RALGDS: variants seen among roughly 807,000 people sequenced by gnomAD.
RALGDS encodes the protein ral guanine nucleotide exchange factor.
A neutral mutation model predicts 99.8 loss-of-function variants in RALGDS; 44 were observed. That is an observed-to-expected ratio of 0.44 (90% confidence interval 0.35 to 0.57). The LOEUF (loss-of-function observed/expected upper bound fraction) is 0.57. Among genes scored for constraint, RALGDS ranks in the 20% least tolerant of loss-of-function variants. The pLI is 0.01. For synonymous variants in RALGDS, 529 were observed against 505.0 expected (o/e 1.05, Z -0.64); for missense variants, 1,022 against 1,203.1 (o/e 0.85, Z 2.23).
upstream of RALGDS, among the ~76,000 whole-genome samples, chr9:133,121,774 G>A (rs940984478): frequency 1.3e-5 from 2 of 152,220 alleles, no homozygotes; most frequent in East Asian, 1.9e-4. Flanking sequence ...ATTACGTAAT[G>A]GACATGAAGC....
Position 133,144,828 on chromosome 9 carries a change from T to C in RALGDS, c.18+4135A>G, listed in dbSNP as rs1832597585. Among the ~76,000 whole-genome samples the C allele has an allele frequency of 6.6e-6, 1 of 152,212 alleles. No homozygotes were observed. The highest frequency in any genetic ancestry group is 2.1e-4 in the South Asian group (1 of 4,834). ...TGAACAAAAAGATCTCTGGTACCCGTGAATGAGATCTTATTTGGAAATAGG... is the reference window on the plus strand; with the variant it reads ...TGAACAAAAAGATCTCTGGTACCCGCGAATGAGATCTTATTTGGAAATAGG... On this transcript the variant is annotated intron_variant, in intron 1 of 17. Transcript: ENST00000393160. The surrounding 1 kb of genome is among the most constrained non-coding windows in gnomAD (Gnocchi z 4.5).
chr9:133,098,266 G>A lies in RALGDS; in HGVS notation c.*321C>T. Reference sequence around the variant, plus strand: ...GTGGCAGTGACCCACACCTGGGAAGGTGTCAGGGAAGTGTACAGAGGTGGC... The same window carrying A: ...GTGGCAGTGACCCACACCTGGGAAGATGTCAGGGAAGTGTACAGAGGTGGC... On this transcript the variant is annotated 3_prime_UTR_variant, in exon 18 of 18. Transcript: ENST00000372050. The A allele has an allele frequency of 2.2e-6, 1 of 448,846 alleles. No individual in the cohort carries two copies. Among genetic ancestry groups the A allele is most frequent in the Non-Finnish European group, 4.2e-6 (1 of 240,936 alleles). 27.8% of individuals were successfully genotyped at this position (448,846 alleles called of 1,614,324 possible). A position where few individuals can be genotyped will look rare whatever the true frequency, so the allele number is the denominator to read the frequency against.
At chr9:133,126,231 C>T (rs975113722), upstream of RALGDS, among the ~76,000 whole-genome samples, 4 of 151,908 alleles carry the variant, frequency 2.6e-5, no homozygotes, top group African/African-American at 4.8e-5. Context: ...AACCTCCCCC[C>T]GGGACGTGCA....
chr9:133,108,238 T>C lies in RALGDS; in HGVS notation c.947A>G (p.Gln316Arg), dbSNP rs753240581. The C allele has an allele frequency of 3.7e-5, 59 of 1,608,832 alleles. No individual in the cohort carries two copies. Among genetic ancestry groups the C allele is most frequent in the Middle Eastern group, 1.7e-4 (1 of 6,040 alleles). ...EVAPAPAPEL[Q>R]QAPEPAVGLE... is the part of the protein sequence containing the mutation. ...TCCCACAGCTGGCTCTGGAGCCTGC[T>C]GGAGCTCCGGAGCTGGTGCTGGAGC... Residue 316 changes from glutamine (Q) to arginine (R), a missense_variant, in exon 6 of 18, where the codon CAG becomes CGG. Gln to Arg is a conservative substitution (Grantham distance 43). This residue lies in a region of RALGDS where 825 missense variants were observed against 994.5 expected (regional missense o/e 0.83). Transcript: ENST00000372050.
Position 133,102,460 on chromosome 9 carries a change from T to C in RALGDS, c.2009+16A>G, listed in dbSNP as rs1284840890. The C allele has an allele frequency of 6.2e-7, 1 of 1,612,332 alleles. No individual in the cohort carries two copies. Among genetic ancestry groups the C allele is most frequent in the Non-Finnish European group, 8.5e-7 (1 of 1,178,564 alleles). ...CCCAAGGCAGCTGCCCCTACCACCC[T>C]TGGCCAGGCCCTTACTCGCTCCAGC... On this transcript the variant is annotated intron_variant, in intron 14 of 17. Coordinates refer to ENST00000372050, the MANE Select transcript of RALGDS (RefSeq NM_006266.4).
chr9:133,147,105 C>G (rs1331799949), intron 1 of RALGDS, among the ~76,000 whole-genome samples: 4 of 152,148 alleles, frequency 2.6e-5, no homozygotes, highest in Admixed American at 2.0e-4. Context: ...GGCTGCCCCT[C>G]CCACCCCCAG....
chr9:133,103,153 G>T, intron 12 of RALGDS, 77 bp downstream of exon 12: 1 of 1,559,050 alleles, frequency 6.4e-7, no homozygotes, highest in South Asian at 1.1e-5. Flanking sequence ...TAAGGAGAGG[G>T]TAGGAGTTGA....
At chr9:133,111,026 C>A (rs78246788) in intron 2 of RALGDS, among the ~76,000 whole-genome samples, 3,982 of 152,288 alleles carry the variant, frequency 0.026, 191 homozygotes, top group African/African-American at 0.09. Flanking sequence ...TATGATCATA[C>A]CTCTGCATGG....
exon 1 of RALGDS, chr9:133,131,104 C>T: frequency 6.9e-7 from 1 of 1,456,566 alleles, no homozygotes; most frequent in Non-Finnish European, 9.0e-7. Flanking sequence ...GGCCCGGCTT[C>T]CCGCCCAGAC....
chr9:133,131,341 G>A (rs477000), upstream of RALGDS, among the ~76,000 whole-genome samples: 43,015 of 150,142 alleles, frequency 0.29, 6,717 homozygotes, highest in East Asian at 0.55. Flanking sequence ...GTTTCAGGGG[G>A]GCCCTGAAAC....
At chr9:133,122,375 C>G (rs564561957), upstream of RALGDS, among the ~76,000 whole-genome samples, 2 of 152,346 alleles carry the variant, frequency 1.3e-5, no homozygotes, top group East Asian at 3.9e-4. Flanking sequence ...CAGCCCTGGC[C>G]ATGCCAACCT....
chr9:133,100,275 A>G lies in RALGDS; in HGVS notation c.2562T>C (p.Asp854=). Residue 854 remains aspartate, a synonymous_variant, in exon 17 of 18, where the codon GAT becomes GAC. Coordinates refer to ENST00000372050, the MANE Select transcript of RALGDS (RefSeq NM_006266.4). ...TCTGGTCTTCTGACTTACTCCGGTC[A>G]TCTGAGAGAATCTGCAGCAGCTCAT... ...EDYELLQILS[D]DRKLKIPENA... 1.2e-6 allele frequency: 2 copies of G among 1,614,150 alleles called. No homozygotes were observed. Among genetic ancestry groups the G allele is most frequent in the Middle Eastern group, 1.6e-4 (1 of 6,062 alleles).
At chr9:133,120,635 G>C (rs1831882280) in intron 1 of RALGDS, among the ~76,000 whole-genome samples, 1 of 152,302 alleles carries the variant, frequency 6.6e-6, no homozygotes, top group East Asian at 1.9e-4. Context: ...AGTGAAATAA[G>C]GCACAGGCCA....
chr9:133,105,027 C>A lies in RALGDS; in HGVS notation c.1603-696G>T, dbSNP rs144235906. Among the ~76,000 whole-genome samples the A allele has an allele frequency of 5.0e-3, 767 of 152,290 alleles. 2 individuals carry two copies. Among genetic ancestry groups the A allele is most frequent in the Non-Finnish European group, 8.0e-3 (541 of 68,016 alleles). On this transcript the variant is annotated intron_variant, in intron 9 of 17. Transcript: ENST00000372050. The stretch of plus-strand genomic sequence containing the variant: ...AGGGACTCAGAACAGGCTCTTCTGT[C>A]CTAGCCAGAGGCTCTGCCCCATCTG...
chr9:133,127,205 C>T (rs147660733), intron 1 of RALGDS, among the ~76,000 whole-genome samples: 278 of 152,398 alleles, frequency 1.8e-3, no homozygotes, highest in African/African-American at 6.6e-3. Flanking sequence ...TGCCTTAACG[C>T]AGGGCCCCAG....
chr9:133,097,813 ATT>A lies in RALGDS; in HGVS notation c.*772_*773del. 4.6e-6 allele frequency: 1 copy of A among 216,844 alleles called. No individual in the cohort carries two copies. The allele number at this position is 216,844 out of a possible 1,614,324, so 13.4% of individuals were successfully genotyped here. On this transcript the variant is annotated 3_prime_UTR_variant, in exon 18 of 18. Transcript: ENST00000372050. ...GCCCCTCCCCAATCAGTAAACAAAC[ATT>A]TTTTTTTTCTTTTTGCTTTTTATAC...
intron 1 of RALGDS, among the ~76,000 whole-genome samples, chr9:133,143,071 GC>G (rs1236841559): frequency 1.3e-5 from 2 of 152,230 alleles, no homozygotes; most frequent in African/African-American, 4.8e-5. Context: ...TTAGCACAAG[GC>G]CTACAGGCTG....
intron 1 of RALGDS, among the ~76,000 whole-genome samples, chr9:133,147,467 C>T (rs1391669512): frequency 6.6e-6 from 1 of 152,240 alleles, no homozygotes; most frequent in Non-Finnish European, 1.5e-5. Context: ...AAGCCCAACG[C>T]TGCCCCCCCA....
chr9:133,139,986 C>G (rs1564254667), intron 1 of RALGDS, among the ~76,000 whole-genome samples: 3 of 152,194 alleles, frequency 2.0e-5, no homozygotes, highest in South Asian at 4.1e-4. Context: ...GACCTCTAGA[C>G]AGCCCGAACT....
Sources: allele counts gnomAD v4.1 joint callset (sites outside exome capture counted in the v4.1 genomes callset), GRCh38; gene constraint gnomAD v4.1.1; regional missense constraint gnomAD v4.1.1; non-coding constraint Gnocchi (gnomAD v3.1); transcripts MANE v1.5; gene names NCBI Gene and HGNC (gene_info 2026-07-23, HGNC 2026-07-21).